NID2: variants seen among roughly 807,000 people sequenced by gnomAD.
NID2 encodes the protein nidogen-2.
A neutral mutation model predicts 145.4 loss-of-function variants in NID2; 83 were observed. The ratio of observed to expected loss-of-function variants is 0.57; its 90% CI spans 0.48 to 0.69. The LOEUF (loss-of-function observed/expected upper bound fraction) is 0.69. NID2 is among the 30% of genes least tolerant of loss of function. The pLI, the probability that NID2 is intolerant of heterozygous loss-of-function variation, is 0.00. For missense variants in NID2, 1,807 were observed against 1,765.7 expected (o/e 1.02, Z -0.42); for synonymous variants, 739 against 701.3 (o/e 1.05, Z -0.85).
chr14:52,040,205 T>A (rs1393944847), intron 8 of NID2, among the ~76,000 whole-genome samples: 1 of 152,012 alleles, frequency 6.6e-6, no homozygotes, highest in Non-Finnish European at 1.5e-5. Flanking sequence ...CCTCCCAAAG[T>A]GGTGGGATTA....
chr14:52,020,521 A>G (rs759506374), intron 12 of NID2, among the ~76,000 whole-genome samples: 2 of 152,260 alleles, frequency 1.3e-5, no homozygotes, highest in Non-Finnish European at 2.9e-5. Flanking sequence ...CCTTTAGACT[A>G]TAAGTCATTA....
At chr14:52,011,772 T>G in intron 16 of NID2, 89 bp from the exon 17 acceptor site, 9 of 1,444,274 alleles carry the variant, frequency 6.2e-6, no homozygotes, top group African/African-American at 2.8e-5. Context: ...ACAGCTGCAG[T>G]GAGCAACACT....
chr14:52,005,151 G>C lies in NID2; in HGVS notation c.*335C>G. The C allele has an allele frequency of 4.8e-6, 1 of 210,092 alleles. No homozygotes were observed. Among genetic ancestry groups the C allele is most frequent in the African/African-American group, 2.3e-5 (1 of 43,638 alleles). The allele number at this position is 210,092 out of a possible 1,614,324, so 13.0% of individuals were successfully genotyped here. On this transcript the variant is annotated 3_prime_UTR_variant, in exon 22 of 22. Transcript: ENST00000216286. ...AGAAGGAATCCATGGCAAAAATCAG[G>C]TTTAGAGTCTTAAACTCTAATTCTT...
intron 18 of NID2, chr14:52,008,429 G>A (rs956592371): frequency 1.0e-4 from 16 of 153,152 alleles, no homozygotes; most frequent in African/African-American, 3.9e-4. Flanking sequence ...CCATGCCTGA[G>A]GGAGCTCGGT....
chr14:52,011,902 C>G, intron 16 of NID2: 2 of 518,322 alleles, frequency 3.9e-6, no homozygotes, highest in African/African-American at 1.9e-5. Flanking sequence ...ATGCGTTTGT[C>G]TCATTTGCAA....
In NID2 at chr14:52,029,665, A is replaced by C. The variant is rs114672207; in HGVS notation, c.2283T>G (p.Asn761Lys). Reference sequence around the variant, plus strand: ...ACATGTGGCTCCCATCATAGCAAGGATTCCCCGGAGTGGGGTCTGAATCCT... The same window carrying C: ...ACATGTGGCTCCCATCATAGCAAGGCTTCCCCGGAGTGGGGTCTGAATCCT... ...VKEDSDPTPGNPCYDGSHMCD... is the reference protein window; with the variant it reads ...VKEDSDPTPGKPCYDGSHMCD... The change falls in exon 10 of 22, where the codon AAT becomes AAG. Residue 761 changes from asparagine to lysine, a missense_variant. Physicochemically the swap from Asn to Lys is moderately conservative, Grantham distance 94. Transcript: ENST00000216286. The C allele has an allele frequency of 6.2e-7, 1 of 1,613,974 alleles. No individual in the cohort carries two copies. Among genetic ancestry groups the C allele is most frequent in the Non-Finnish European group, 8.5e-7 (1 of 1,179,844 alleles).
intron 3 of NID2, among the ~76,000 whole-genome samples, chr14:52,056,777 A>C (rs1892860146): frequency 6.6e-6 from 1 of 152,148 alleles, no homozygotes; most frequent in Non-Finnish European, 1.5e-5. Context: ...GGATGACAGA[A>C]CGAGACTCCA....
chr14:52,022,072 C>G (rs1230573476), intron 12 of NID2, among the ~76,000 whole-genome samples: 1 of 152,208 alleles, frequency 6.6e-6, no homozygotes, highest in Admixed American at 6.5e-5. Context: ...TCCTGAGACA[C>G]AGGGCCTATT....
intron 5 of NID2, among the ~76,000 whole-genome samples, chr14:52,046,698 AG>A (rs1446941287): frequency 6.6e-6 from 1 of 152,262 alleles, no homozygotes; most frequent in Non-Finnish European, 1.5e-5. Flanking sequence ...AACAATGAGC[AG>A]GCTCCCATGA....
chr14:52,019,400 G>A lies in NID2; in HGVS notation c.2795-106C>T, dbSNP rs1595011017. On this transcript the variant is annotated intron_variant, in intron 13 of 21. Transcript: ENST00000216286. The stretch of plus-strand genomic sequence containing the variant: ...GGCATGGAAAAGCGCTGGGATTTTG[G>A]AGCCCGAGATTCTTATTTTATAATA... 3 of 819,888 alleles carry A rather than the reference G, an allele frequency of 3.7e-6. No homozygotes were observed. The East Asian group carries it at 8.1e-5, about 22-fold the overall frequency. The allele number at this position is 819,888 out of a possible 1,614,324, so 50.8% of individuals were successfully genotyped here.
rs1285036069 is a variant in NID2 at position 52,005,868 on chromosome 14, A to C, written c.4005-19T>G. The C allele has an allele frequency of 1.9e-6, 3 of 1,543,448 alleles. No individual in the cohort carries two copies. Among genetic ancestry groups the C allele is most frequent in the South Asian group, 2.2e-5 (2 of 89,628 alleles). On this transcript the variant is annotated intron_variant, in intron 20 of 21. Coordinates refer to ENST00000216286, the MANE Select transcript of NID2 (RefSeq NM_007361.4). ...ACCATCCCTGGTAACAGAAAGGAAG[A>C]GTGAATTCAGGGACAGTCATTTACT...
chr14:52,043,002 A>T, intron 5 of NID2, 71 bp from the exon 6 acceptor site: 1 of 1,451,290 alleles, frequency 6.9e-7, no homozygotes, highest in Non-Finnish European at 9.6e-7. Flanking sequence ...CGGGGACACA[A>T]CATCTGCTCC....
chr14:52,011,437 T>C, intron 17 of NID2, 117 bp downstream of exon 17: 1 of 1,293,396 alleles, frequency 7.7e-7, no homozygotes, highest in Non-Finnish European at 1.1e-6. Flanking sequence ...ATAAAATGAC[T>C]TGCCTAGAAC....
chr14:52,020,179 C>T lies in NID2; in HGVS notation c.2675-1G>A. 2 of 1,613,600 alleles carry T rather than the reference C, an allele frequency of 1.2e-6. No homozygotes were observed. The highest frequency in any genetic ancestry group is 1.7e-6 in the Non-Finnish European group (2 of 1,179,592). ...CTGTTTTCTGAGCATTCATCTACAT[C>T]TGCAGAGGTCAGAAACAGAAGAAAG... On this transcript the variant is annotated splice_acceptor_variant, in intron 12 of 21. Transcript: ENST00000216286. LOFTEE classifies it high-confidence loss of function.
chr14:52,006,946 A>G, intron 19 of NID2: 1 of 234,038 alleles, frequency 4.3e-6, no homozygotes, highest in South Asian at 6.3e-5. Context: ...AATTTGTGTG[A>G]TTTCAAGCCT....
At chr14:52,030,474 G>GATAAAGAAA (rs1555363663) in intron 9 of NID2, among the ~76,000 whole-genome samples, 11 of 82,874 alleles carry the variant, frequency 1.3e-4, no homozygotes, top group African/African-American at 5.3e-4. Context: ...CTTATCTCGA[G>GATAAAGAAA]AGAAAGAAAA....
At chr14:52,029,218 A>G (rs948599098) in intron 10 of NID2, among the ~76,000 whole-genome samples, 18 of 152,188 alleles carry the variant, frequency 1.2e-4, no homozygotes, top group African/African-American at 4.1e-4. Context: ...TTTAAAGAAA[A>G]TCAGAAAATG....
chr14:52,054,850 G>A (rs1240131297), intron 3 of NID2, among the ~76,000 whole-genome samples: 1 of 152,200 alleles, frequency 6.6e-6, no homozygotes, highest in East Asian at 1.9e-4. Context: ...TTAACATTAT[G>A]TTTCAAAGCT....
chr14:52,035,878 A>ATT (rs58318209), intron 9 of NID2, among the ~76,000 whole-genome samples: 1 of 135,196 alleles, frequency 7.4e-6, no homozygotes, highest in Admixed American at 7.6e-5. Flanking sequence ...ATATATATAT[A>ATT]TGTTTTATTT....
Sources: gnomAD v4.1 joint callset for allele counts (sites outside exome capture counted in the v4.1 genomes callset) on GRCh38, gnomAD v4.1.1 for gene constraint, MANE v1.5 for transcripts, NCBI Gene and HGNC (gene_info 2026-07-23, HGNC 2026-07-21) for gene names.